Variants in DACH2 observed in about 807,000 individuals in gnomAD.
DACH2 encodes the protein dachshund homolog 2.
DACH2 carries 17 observed loss-of-function variants against 35.8 expected under a neutral mutation model. The ratio of observed to expected loss-of-function variants is 0.48; its 90% CI spans 0.33 to 0.71. The LOEUF is 0.71. Ranked by LOEUF, DACH2 falls within the 30% of genes least tolerant of loss-of-function variation. The pLI is 0.02. For synonymous variants in DACH2, 195 were observed against 177.3 expected, an observed-to-expected ratio of 1.10 and a Z score of -0.79; for missense variants, 469 against 472.7, an observed-to-expected ratio of 0.99 and a Z score of 0.07.
intron 4 of DACH2, among the ~76,000 whole-genome samples, chrX:86,682,757 C>G (rs2040895190): frequency 2.7e-5 from 3 of 111,447 alleles, no homozygotes; most frequent in Non-Finnish European, 5.7e-5. Flanking sequence ...AGTGAATGTT[C>G]CATGTCAAAT....
chrX:86,216,232 A>G (rs2032567448), intron 1 of DACH2, among the ~76,000 whole-genome samples: 1 of 111,709 alleles, frequency 9.0e-6, no homozygotes, highest in African/African-American at 3.3e-5. Context: ...AAATTACACT[A>G]AGTTCTAGGG....
intron 2 of DACH2, among the ~76,000 whole-genome samples, chrX:86,422,165 A>C (rs1403237131): frequency 9.0e-6 from 1 of 111,296 alleles, no homozygotes; most frequent in Non-Finnish European, 1.9e-5. Context: ...AAGTTAGCGC[A>C]GAACAGAAGG....
intron 1 of DACH2, among the ~76,000 whole-genome samples, chrX:86,283,364 C>T (rs761922635): frequency 3.5e-4 from 39 of 111,168 alleles, no homozygotes; most frequent in African/African-American, 1.2e-3. Flanking sequence ...ATTGATCCAG[C>T]AATCCCATTA....
chrX:86,251,506 C>T (rs1455374075), intron 1 of DACH2, among the ~76,000 whole-genome samples: 5 of 110,497 alleles, frequency 4.5e-5, no homozygotes, highest in Admixed American at 3.9e-4. Context: ...CCCTTTCCCC[C>T]GAGTCCCCAA....
intron 2 of DACH2, among the ~76,000 whole-genome samples, chrX:86,397,428 G>T (rs1265358222): frequency 5.8e-4 from 64 of 111,111 alleles, no homozygotes; most frequent in African/African-American, 1.4e-3. Context: ...CAACACTATG[G>T]TGAATAGGAG....
chrX:86,796,030 C>T (rs181318573), intron 7 of DACH2, among the ~76,000 whole-genome samples: 4 of 111,885 alleles, frequency 3.6e-5, no homozygotes, highest in East Asian at 5.6e-4. Context: ...GGGACCTGAG[C>T]GGGTTGCCGC....
chrX:86,295,006 G>T (rs1275268924), intron 1 of DACH2, among the ~76,000 whole-genome samples: 2 of 112,592 alleles, frequency 1.8e-5, no homozygotes, highest in East Asian at 2.8e-4. Context: ...AATGGCGGGC[G>T]CCCCTCCTCC....
chrX:86,340,128 A>T (rs1475821073), intron 1 of DACH2, among the ~76,000 whole-genome samples: 1 of 111,900 alleles, frequency 8.9e-6, no homozygotes, highest in East Asian at 2.8e-4. Flanking sequence ...TTTTCCTAGG[A>T]TACCTTGTAC....
chrX:86,343,063 C>T (rs1357066181), intron 1 of DACH2, among the ~76,000 whole-genome samples: 6 of 111,878 alleles, frequency 5.4e-5, no homozygotes, highest in Non-Finnish European at 1.1e-4. Flanking sequence ...GTAAACAGAA[C>T]TTTTGCATGC....
chrX:86,578,214 G>T (rs1050582932), intron 3 of DACH2, among the ~76,000 whole-genome samples: 1 of 110,867 alleles, frequency 9.0e-6, no homozygotes, highest in African/African-American at 3.3e-5. Flanking sequence ...AAATTCAGCT[G>T]GTGTCACTGC....
chrX:86,325,943 T>A (rs1482307492), intron 1 of DACH2, among the ~76,000 whole-genome samples: 1 of 111,344 alleles, frequency 9.0e-6, no homozygotes, highest in Non-Finnish European at 1.9e-5. Flanking sequence ...TTTTTTTTTT[T>A]ATTTTTCATT....
At chrX:86,287,639 A>T (rs2034179637) in intron 1 of DACH2, among the ~76,000 whole-genome samples, 1 of 111,669 alleles carries the variant, frequency 9.0e-6, no homozygotes, top group South Asian at 3.7e-4. Flanking sequence ...AAGCTCATGA[A>T]TTTATTCTTC....
At chrX:86,532,481 G>GCTCTCT (rs199608577) in intron 3 of DACH2, among the ~76,000 whole-genome samples, 55 of 102,744 alleles carry the variant, frequency 5.4e-4, no homozygotes, top group African/African-American at 1.9e-3. Flanking sequence ...TTGAAGTATA[G>GCTCTCT]CTCTCTCTCT....
chrX:86,269,646 T>C (rs2033776653), intron 1 of DACH2, among the ~76,000 whole-genome samples: 1 of 111,512 alleles, frequency 9.0e-6, no homozygotes, highest in South Asian at 3.7e-4. Context: ...GGAAATTTTC[T>C]GAAGAAGAGA....
intron 1 of DACH2, chrX:86,161,012 C>A: frequency 1.1e-6 from 1 of 950,953 alleles, no homozygotes; most frequent in Non-Finnish European, 1.5e-6. Context: ...AGGTGACTTT[C>A]CATCCCTTGA....
At chrX:86,254,779 TAA>T (rs1491396917) in intron 1 of DACH2, among the ~76,000 whole-genome samples, 1,978 of 43,579 alleles carry the variant, frequency 0.045, 102 homozygotes, top group African/African-American at 0.091. Flanking sequence ...TTCAAATAAA[TAA>T]ATATATATAT....
At chrX:86,178,847 AAC>A (rs950947639) in intron 1 of DACH2, among the ~76,000 whole-genome samples, 7 of 112,020 alleles carry the variant, frequency 6.2e-5, no homozygotes, top group African/African-American at 2.3e-4. Flanking sequence ...AAGAAATGTG[AAC>A]ACACACATAT....
chrX:86,198,408 G>A (rs895875461), intron 1 of DACH2, among the ~76,000 whole-genome samples: 12 of 111,517 alleles, frequency 1.1e-4, no homozygotes, highest in Admixed American at 2.9e-4. Context: ...CAGAAGACAA[G>A]TAATAACCCA....
At chrX:86,164,445 C>T (rs2030873074) in intron 1 of DACH2, among the ~76,000 whole-genome samples, 1 of 111,556 alleles carries the variant, frequency 9.0e-6, no homozygotes, top group Non-Finnish European at 1.9e-5. Flanking sequence ...TAATTAGATT[C>T]CACTTGTCAA....
Sources: allele counts gnomAD v4.1 joint callset (sites outside exome capture counted in the v4.1 genomes callset), GRCh38; gene constraint gnomAD v4.1.1; transcripts MANE v1.5; gene names NCBI Gene and HGNC (gene_info 2026-07-23, HGNC 2026-07-21).